The following VWA8 variants were observed in gnomAD, a reference collection of about 807,000 sequenced individuals.
The protein encoded by VWA8 is von Willebrand factor A domain containing 8.
Under a neutral mutation model 241.5 loss-of-function variants are expected in VWA8, and 221 were observed. The ratio of observed to expected loss-of-function variants is 0.91; its 90% confidence interval spans 0.82 to 1.02. The LOEUF (loss-of-function observed/expected upper bound fraction) is 1.02. Among genes scored for constraint, VWA8 ranks in the 50% least tolerant of loss-of-function variants. VWA8 has a pLI of 0.00. For missense variants in VWA8, 2,322 were observed against 2,328.7 expected (o/e 1.00, Z 0.06); for synonymous variants, 852 against 827.1 (o/e 1.03, Z -0.52).
rs1177557570 is a variant in VWA8, at chr13:41,811,336, T to C, written c.1952A>G (p.Gln651Arg). 2 of 1,607,442 alleles carry C rather than the reference T, an allele frequency of 1.2e-6. No individual in the cohort carries two copies. The highest frequency in any genetic ancestry group is 1.7e-6 in the Non-Finnish European group (2 of 1,175,062). The change falls in exon 17 of 45, where the codon CAA (glutamine) becomes CGA (arginine). Residue 651 changes from glutamine (Q) to arginine (R), a missense_variant. Physicochemically the swap from Gln to Arg is conservative, Grantham distance 43. Transcript: ENST00000379310. ...GGTAGAAAGTGATGCCGCTAATGATTGTGCCTATCAAAAGACAAATACATT... is the reference window on the plus strand; with the variant it reads ...GGTAGAAAGTGATGCCGCTAATGATCGTGCCTATCAAAAGACAAATACATT... ...KLRETQDPTA[Q>R]SLAASLSTRQ...
chr13:41,795,487 A>C (rs1257287374), intron 17 of VWA8, among the ~76,000 whole-genome samples: 3 of 152,214 alleles, frequency 2.0e-5, no homozygotes, highest in Non-Finnish European at 4.4e-5. Flanking sequence ...TTATAAAGTT[A>C]TATGCATGCT....
At chr13:41,643,025 CAT>C (rs2044807169) in intron 37 of VWA8, among the ~76,000 whole-genome samples, 1 of 152,170 alleles carries the variant, frequency 6.6e-6, no homozygotes, top group Non-Finnish European at 1.5e-5. Flanking sequence ...AAAGTTAGCA[CAT>C]GACACACAAT....
chr13:41,865,768 C>T lies in VWA8; in HGVS notation c.1393G>A (p.Gly465Arg). 1 of 1,614,092 alleles carries T rather than the reference C, an allele frequency of 6.2e-7. No homozygotes were observed. The highest frequency in any genetic ancestry group is 8.5e-7 in the Non-Finnish European group (1 of 1,180,028). ...VIAKNFADTL[G>R]YNIEPIMLYQ... ...AGCATAATAGGTTCTATGTTGTATC[C>T]TAAGGTATCGGCAAAGTTCTTAGCG... is the stretch of plus-strand genomic sequence containing the variant. The change falls in exon 12 of 45, where the codon GGA becomes AGA. Residue 465 changes from glycine (G) to arginine (R), a missense_variant. By Grantham distance (125) the Gly-to-Arg change is moderately radical. Coordinates refer to ENST00000379310, the MANE Select transcript of VWA8 (RefSeq NM_015058.2).
chr13:41,878,458 G>C (rs1205184405), intron 9 of VWA8, among the ~76,000 whole-genome samples: 7 of 150,040 alleles, frequency 4.7e-5, no homozygotes, highest in Non-Finnish European at 7.4e-5. Flanking sequence ...CTTAAGAAAA[G>C]CTATTTAAGA....
chr13:41,704,020 A>G (rs2045267336), intron 26 of VWA8, among the ~76,000 whole-genome samples: 1 of 152,126 alleles, frequency 6.6e-6, no homozygotes, highest in Non-Finnish European at 1.5e-5. Flanking sequence ...TTGGCCTCCC[A>G]AAGTGCTGGG....
chr13:41,584,747 G>C lies in VWA8; in HGVS notation c.5271+2765C>G, dbSNP rs143906894. On this transcript the variant is annotated intron_variant, in intron 42 of 44. Coordinates refer to ENST00000379310, the MANE Select transcript of VWA8 (RefSeq NM_015058.2). ...CAATTTCACTTGGATTTTTCAGTCA[G>C]ATGTTAACTATGGTTGTCTTCTCAA... Among the ~76,000 whole-genome samples, 747 of 152,282 alleles carry C rather than the reference G, an allele frequency of 4.9e-3. 3 individuals are homozygous for C. Among genetic ancestry groups the C allele is most frequent in the African/African-American group, 0.016 (678 of 41,548 alleles).
chr13:41,651,936 T>G (rs1210673015), intron 37 of VWA8, among the ~76,000 whole-genome samples: 6 of 152,234 alleles, frequency 3.9e-5, no homozygotes, highest in Non-Finnish European at 5.9e-5. Flanking sequence ...CCCACAAATG[T>G]GTGTACTGTC....
chr13:41,657,654 T>C (rs1001158203), intron 37 of VWA8, among the ~76,000 whole-genome samples: 1 of 149,546 alleles, frequency 6.7e-6, no homozygotes, highest in Non-Finnish European at 1.5e-5. Flanking sequence ...CGCGCCCGGC[T>C]AATTTTTTGT....
At chr13:41,609,299 T>C (rs1593647697) in intron 39 of VWA8, among the ~76,000 whole-genome samples, 2 of 152,208 alleles carry the variant, frequency 1.3e-5, no homozygotes, top group South Asian at 2.1e-4. Context: ...TGCATATGCC[T>C]AAGTGGCAAA....
chr13:41,876,032 A>C (rs1426496175), intron 9 of VWA8, among the ~76,000 whole-genome samples: 1 of 152,054 alleles, frequency 6.6e-6, no homozygotes, highest in Non-Finnish European at 1.5e-5. Flanking sequence ...TCAACCCTAC[A>C]TCTAACCCTT....
rs753803187 is a variant in VWA8, at chr13:41,833,468, G to A, written c.1489C>T (p.Arg497Trp). 11 of 1,613,726 alleles carry A rather than the reference G, an allele frequency of 6.8e-6. No individual in the cohort carries two copies. The highest frequency in any genetic ancestry group is 4.0e-5 in the African/African-American group (3 of 74,898). Reference protein sequence around the residue: ...YTLPNGDTAWRSSPLVNAALE... With the variant: ...YTLPNGDTAWWSSPLVNAALE... ...GCAGCATTCACAAGGGGTGAGGACC[G>A]CCAGGCAGTGTCTCCATTTGGAAGG... is the stretch of plus-strand genomic sequence containing the variant. The change falls in exon 13 of 45, where the codon CGG becomes TGG. Residue 497 changes from arginine (R) to tryptophan (W), a missense_variant. By Grantham distance (101) the Arg-to-Trp change is moderately radical (BLOSUM62 -3). Transcript: ENST00000379310.
chr13:41,768,333 A>G (rs182068092), intron 20 of VWA8, among the ~76,000 whole-genome samples: 2 of 152,366 alleles, frequency 1.3e-5, no homozygotes, highest in African/African-American at 4.8e-5. Context: ...TCAAATTATT[A>G]ATTAGCAAAA....
At chr13:41,593,387 T>G (rs2044468407) in intron 40 of VWA8, among the ~76,000 whole-genome samples, 1 of 152,144 alleles carries the variant, frequency 6.6e-6, no homozygotes, top group South Asian at 2.1e-4. Flanking sequence ...CTCAGGAAAA[T>G]GGGTCACTCT....
chr13:41,707,939 T>A (rs186133084), intron 26 of VWA8, among the ~76,000 whole-genome samples: 10 of 152,308 alleles, frequency 6.6e-5, no homozygotes, highest in African/African-American at 1.7e-4. Context: ...AATTTATACA[T>A]ACAAAACTCC....
At chr13:41,625,627 G>A (rs1345762029) in intron 37 of VWA8, among the ~76,000 whole-genome samples, 1 of 152,098 alleles carries the variant, frequency 6.6e-6, no homozygotes, top group Non-Finnish European at 1.5e-5. Context: ...CTTTTACACT[G>A]TTGGTGGGAC....
At chr13:41,671,549 C>G (rs944724949) in intron 36 of VWA8, among the ~76,000 whole-genome samples, 1 of 151,820 alleles carries the variant, frequency 6.6e-6, no homozygotes, top group Non-Finnish European at 1.5e-5. Context: ...TCCGCATCCC[C>G]CCGCCCGCCA....
At chr13:41,851,611 C>A (rs1267151171) in intron 12 of VWA8, among the ~76,000 whole-genome samples, 3 of 152,134 alleles carry the variant, frequency 2.0e-5, no homozygotes, top group Admixed American at 6.5e-5. Context: ...TCCTCATTTT[C>A]TCTTGCTCCA....
chr13:41,573,205 C>T (rs1383027896), intron 43 of VWA8, among the ~76,000 whole-genome samples: 1 of 151,020 alleles, frequency 6.6e-6, no homozygotes, highest in Non-Finnish European at 1.5e-5. Flanking sequence ...ATTGGGAGCT[C>T]AAGACCAGCC....
chr13:41,672,627 T>C (rs1014178539), intron 36 of VWA8, among the ~76,000 whole-genome samples: 3 of 152,306 alleles, frequency 2.0e-5, no homozygotes, highest in African/African-American at 7.2e-5. Flanking sequence ...TCTGCCTTAG[T>C]TGATACTAAA....
Sources: gnomAD v4.1 joint callset for allele counts (sites outside exome capture counted in the v4.1 genomes callset) on GRCh38, gnomAD v4.1.1 for gene constraint, MANE v1.5 for transcripts, NCBI Gene and HGNC (gene_info 2026-07-23, HGNC 2026-07-21) for gene names.